The following SHROOM3 variants were observed in gnomAD, a reference collection of about 807,000 sequenced individuals.
SHROOM3 encodes the protein protein Shroom3.
A neutral mutation model predicts 138.6 loss-of-function variants in SHROOM3; 47 were observed. The ratio of observed to expected loss-of-function variants is 0.34; its 90% confidence interval spans 0.27 to 0.43. SHROOM3 has a LOEUF of 0.43. Ranked by LOEUF, SHROOM3 falls within the 20% of genes least tolerant of loss-of-function variation. SHROOM3 has a pLI of 1.00. For missense variants in SHROOM3, 2,491 were observed against 2,596.5 expected (o/e 0.96, Z 0.88); for synonymous variants, 1,062 against 1,063.3 (o/e 1.00, Z 0.02).
intron 2 of SHROOM3, among the ~76,000 whole-genome samples, chr4:76,594,295 C>T (rs1734336103): frequency 1.3e-5 from 2 of 152,166 alleles, no homozygotes. Context: ...CATATTATTA[C>T]ACTTTATTGC....
chr4:76,731,067 G>A (rs1720866292), intron 4 of SHROOM3, 132 bp downstream of exon 4: 8 of 1,206,084 alleles, frequency 6.6e-6, no homozygotes, highest in Admixed American at 3.7e-5. Flanking sequence ...TCTATCCACT[G>A]CTTTTCTCAT....
At chr4:76,575,705 A>G (rs1188786615) in intron 2 of SHROOM3, 2 of 152,190 alleles carry the variant, frequency 1.3e-5, no homozygotes, top group African/African-American at 4.8e-5. Context: ...ATAAAATTAA[A>G]TACCCAGGAA....
chr4:76,519,572 T>TC (rs1313471045), intron 1 of SHROOM3, among the ~76,000 whole-genome samples: 1 of 152,182 alleles, frequency 6.6e-6, no homozygotes, highest in Non-Finnish European at 1.5e-5. Context: ...TTTTCCTTTA[T>TC]CTAGTACTGA....
At chr4:76,556,545 T>C (rs1028429321) in intron 2 of SHROOM3, among the ~76,000 whole-genome samples, 18 of 152,220 alleles carry the variant, frequency 1.2e-4, no homozygotes, top group African/African-American at 4.1e-4. Context: ...GATTGCCTGA[T>C]TCTATTTCAT....
chr4:76,757,284 C>T (rs1050753047), intron 8 of SHROOM3, among the ~76,000 whole-genome samples: 1 of 152,162 alleles, frequency 6.6e-6, no homozygotes, highest in African/African-American at 2.4e-5. Context: ...AATGAGGAAA[C>T]TGAAGTACAG....
At chr4:76,562,585 C>G (rs1320714576) in intron 2 of SHROOM3, among the ~76,000 whole-genome samples, 1 of 152,176 alleles carries the variant, frequency 6.6e-6, no homozygotes, top group African/African-American at 2.4e-5. Context: ...AAATCAGTGC[C>G]TTTTCCAGCT....
intron 5 of SHROOM3, among the ~76,000 whole-genome samples, chr4:76,742,930 T>C (rs1237212152): frequency 5.4e-5 from 5 of 93,086 alleles, no homozygotes; most frequent in African/African-American, 8.1e-5. Context: ...TGAAAAATGC[T>C]GTGTTACAGC....
At chr4:76,643,192 A>G (rs1261400135) in intron 2 of SHROOM3, among the ~76,000 whole-genome samples, 1 of 134,468 alleles carries the variant, frequency 7.4e-6, no homozygotes, top group Admixed American at 8.2e-5. Context: ...CCATCGTGCC[A>G]TTTTTTGAGA....
chr4:76,547,141 T>A (rs1437319648), intron 1 of SHROOM3, among the ~76,000 whole-genome samples: 2 of 152,126 alleles, frequency 1.3e-5, no homozygotes, highest in Non-Finnish European at 2.9e-5. Flanking sequence ...AAGAGAAGGA[T>A]CAGAACACAG....
chr4:76,476,386 T>G (rs956426879), intron 1 of SHROOM3, among the ~76,000 whole-genome samples: 1 of 152,188 alleles, frequency 6.6e-6, no homozygotes, highest in African/African-American at 2.4e-5. Context: ...CTATGATATG[T>G]TTTCTGTACT....
intron 3 of SHROOM3, among the ~76,000 whole-genome samples, chr4:76,715,134 A>G (rs1390468288): frequency 6.6e-6 from 1 of 152,154 alleles, no homozygotes; most frequent in Non-Finnish European, 1.5e-5. Context: ...TTGGAATTGG[A>G]AAGTGCTGTG....
intron 1 of SHROOM3, among the ~76,000 whole-genome samples, chr4:76,471,561 A>T (rs1731373973): frequency 6.6e-6 from 1 of 152,126 alleles, no homozygotes; most frequent in African/African-American, 2.4e-5. Flanking sequence ...TTTCTTTAAG[A>T]CCACATGCTT....
chr4:76,663,370 G>A (rs1354879035), intron 2 of SHROOM3, among the ~76,000 whole-genome samples: 3 of 151,854 alleles, frequency 2.0e-5, no homozygotes, highest in Non-Finnish European at 4.4e-5. Context: ...GTAATCATAG[G>A]CCTGGCATTC....
intron 1 of SHROOM3, 119 bp from the exon 2 acceptor site, chr4:76,555,490 T>C: frequency 7.0e-7 from 1 of 1,426,976 alleles, no homozygotes; most frequent in South Asian, 1.2e-5. Flanking sequence ...AGCGCTGGGG[T>C]GTGGCCCTAG....
chr4:76,506,012 G>T (rs568968963), intron 1 of SHROOM3, among the ~76,000 whole-genome samples: 1 of 151,958 alleles, frequency 6.6e-6, no homozygotes, highest in Admixed American at 6.6e-5. Flanking sequence ...AAAAAAATGT[G>T]GCACATATAC....
intron 2 of SHROOM3, among the ~76,000 whole-genome samples, chr4:76,682,758 T>C (rs1331911292): frequency 1.3e-5 from 2 of 152,236 alleles, no homozygotes; most frequent in African/African-American, 4.8e-5. Flanking sequence ...ATTATCTAAG[T>C]CACGTCTAGC....
chr4:76,498,694 G>A (rs1434830450), intron 1 of SHROOM3, among the ~76,000 whole-genome samples: 1 of 152,002 alleles, frequency 6.6e-6, no homozygotes, highest in Non-Finnish European at 1.5e-5. Context: ...GCAGATGAGA[G>A]GCATATTTGC....
At chr4:76,663,745 C>A (rs1458571990) in intron 2 of SHROOM3, among the ~76,000 whole-genome samples, 3 of 152,186 alleles carry the variant, frequency 2.0e-5, no homozygotes, top group Non-Finnish European at 2.9e-5. Context: ...GAAAACTTTA[C>A]ATAAACATCC....
At chr4:76,631,060 A>G (rs188807722) in intron 2 of SHROOM3, among the ~76,000 whole-genome samples, 5 of 152,332 alleles carry the variant, frequency 3.3e-5, no homozygotes, top group African/African-American at 9.6e-5. Context: ...GGGTATGCAG[A>G]CAACAAACAA....
Sources: gnomAD v4.1 joint callset for allele counts (sites outside exome capture counted in the v4.1 genomes callset) on GRCh38, gnomAD v4.1.1 for gene constraint, MANE v1.5 for transcripts, NCBI Gene and HGNC (gene_info 2026-07-23, HGNC 2026-07-21) for gene names.